The following ASXL2 variants were observed in gnomAD, a reference collection of about 807,000 sequenced individuals.
ASXL2 encodes the protein ASXL transcriptional regulator 2, also known as putative Polycomb group protein ASXL2.
In ASXL2, 23 loss-of-function variants were observed where a neutral mutation model predicts 122.0. That is an observed-to-expected ratio of 0.19 (90% CI 0.14 to 0.27). The LOEUF (loss-of-function observed/expected upper bound fraction) is 0.27, where lower values mean the gene tolerates loss of function less well. Ranked by LOEUF, ASXL2 falls within the 10% of genes least tolerant of loss-of-function variation. The pLI is 1.00. For missense variants in ASXL2, 1,518 were observed against 1,713.8 expected (o/e 0.89, Z 2.02); for synonymous variants, 650 against 637.0 (o/e 1.02, Z -0.31).
chr2:25,782,479 G>C (rs2088661793), intron 5 of ASXL2, among the ~76,000 whole-genome samples: 1 of 152,090 alleles, frequency 6.6e-6, no homozygotes. Flanking sequence ...CCAGGAGATG[G>C]AGGTTGCAGT....
At chr2:25,771,394 A>T in intron 6 of ASXL2, 46 bp downstream of exon 6, 1 of 1,540,960 alleles carries the variant, frequency 6.5e-7, no homozygotes, top group Non-Finnish European at 8.9e-7. Flanking sequence ...TGTGCGTTTT[A>T]AATACAGGAA....
At chr2:25,856,363 C>CT (rs70950127) in intron 1 of ASXL2, 4,072 of 234,074 alleles carry the variant, frequency 0.017, 102 homozygotes, top group East Asian at 0.051. Flanking sequence ...CTGGCCTATA[C>CT]TTTTTTTTTT....
At chr2:25,832,124 G>T (rs1194334211) in intron 3 of ASXL2, among the ~76,000 whole-genome samples, 2 of 152,134 alleles carry the variant, frequency 1.3e-5, no homozygotes, top group Non-Finnish European at 2.9e-5. Context: ...GCACCAGGAA[G>T]AAAAAACAGA....
intron 3 of ASXL2, among the ~76,000 whole-genome samples, chr2:25,833,780 T>C (rs148708377): frequency 1.3e-5 from 2 of 152,176 alleles, no homozygotes; most frequent in African/African-American, 4.8e-5. Flanking sequence ...CATCAAGATA[T>C]CTCACCATCC....
intron 5 of ASXL2, among the ~76,000 whole-genome samples, chr2:25,775,702 CTA>C (rs964446208): frequency 1.7e-4 from 26 of 152,240 alleles, no homozygotes; most frequent in African/African-American, 6.0e-4. Context: ...GTGGAACTAA[CTA>C]TGAGTCAACT....
intron 3 of ASXL2, among the ~76,000 whole-genome samples, chr2:25,821,428 G>A (rs1316436740): frequency 6.6e-6 from 1 of 151,896 alleles, no homozygotes; most frequent in Non-Finnish European, 1.5e-5. Context: ...GGAATTTGGA[G>A]TTTATGGCAT....
At chr2:25,807,693 G>A (rs1225772100) in intron 3 of ASXL2, among the ~76,000 whole-genome samples, 1 of 151,692 alleles carries the variant, frequency 6.6e-6, no homozygotes, top group East Asian at 1.9e-4. Context: ...GTTTCCGAGA[G>A]AAAAAAAATC....
intron 3 of ASXL2, among the ~76,000 whole-genome samples, chr2:25,815,579 T>G (rs1026709622): frequency 1.8e-4 from 28 of 152,174 alleles, no homozygotes; most frequent in African/African-American, 6.5e-4. Flanking sequence ...GATGAGTGAT[T>G]TTAATGTCTC....
At chr2:25,764,787 A>G (rs1164874062) in intron 8 of ASXL2, among the ~76,000 whole-genome samples, 1 of 152,186 alleles carries the variant, frequency 6.6e-6, no homozygotes, top group East Asian at 1.9e-4. Flanking sequence ...AATTTTTACT[A>G]TTTATGCATT....
At chr2:25,865,150 G>T (rs2089887036) in intron 1 of ASXL2, among the ~76,000 whole-genome samples, 1 of 151,572 alleles carries the variant, frequency 6.6e-6, no homozygotes, top group Admixed American at 6.6e-5. Context: ...TCCAATTTAG[G>T]CCAGGCATGG....
At chr2:25,790,334 G>A (rs1414504232) in intron 5 of ASXL2, among the ~76,000 whole-genome samples, 1 of 123,808 alleles carries the variant, frequency 8.1e-6, no homozygotes, top group South Asian at 2.9e-4. Flanking sequence ...GGGTGGGGGG[G>A]GTGTGAGAAG....
intron 11 of ASXL2, among the ~76,000 whole-genome samples, chr2:25,751,538 G>A (rs2088045125): frequency 6.6e-6 from 1 of 151,996 alleles, no homozygotes; most frequent in Non-Finnish European, 1.5e-5. Flanking sequence ...GGAGGCTGAG[G>A]TGGAAGGACT....
At chr2:25,834,659 C>A (rs182361941) in intron 3 of ASXL2, among the ~76,000 whole-genome samples, 1 of 152,170 alleles carries the variant, frequency 6.6e-6, no homozygotes, top group Non-Finnish European at 1.5e-5. Flanking sequence ...ACAGGCAATA[C>A]GACTGTTGCC....
Position 25,739,369 on chromosome 2 carries a change from G to GTT in ASXL2, c.*2658_*2659dup, listed in dbSNP as rs776553926. On this transcript the variant is annotated 3_prime_UTR_variant, in exon 13 of 13. Transcript: ENST00000435504. The stretch of plus-strand genomic sequence containing the variant: ...TTTCTAAAAGGCCAGATTGTAATGT[G>GTT]TTTTTTTTTTTTTTAATTTTTCTGT... 672 of 158,602 alleles carry GTT rather than the reference G, an allele frequency of 4.2e-3. 2 individuals carry two copies. Among genetic ancestry groups the GTT allele is most frequent in the East Asian group, 0.016 (141 of 8,636 alleles). The allele number at this position is 158,602 out of a possible 1,614,324, so 9.8% of individuals were successfully genotyped here.
At position 25,742,170 on chromosome 2, in the gene ASXL2, T is replaced by G. The variant is rs756079519; in HGVS notation, c.4167A>C (p.Glu1389Asp). The part of the protein sequence containing the change: ...GQTIPVQAFS[E>D]ENSIEGTPSK... ...AAGGCGTGCCCTCTATGCTGTTCTC[T>G]TCGGAGAACGCCTGAACAGGAATGG... The change falls in exon 13 of 13, where the codon GAA becomes GAC. Residue 1389 changes from glutamate (E) to aspartate (D), a missense_variant. Physicochemically the swap from Glu to Asp is conservative, Grantham distance 45 (BLOSUM62 2). Transcript: ENST00000435504. 6.2e-7 allele frequency: 1 copy of G among 1,614,008 alleles called. No homozygotes were observed. The highest frequency in any genetic ancestry group is 8.5e-7 in the Non-Finnish European group (1 of 1,179,878).
At chr2:25,872,174 G>A (rs967931092) in intron 1 of ASXL2, among the ~76,000 whole-genome samples, 8 of 152,112 alleles carry the variant, frequency 5.3e-5, no homozygotes, top group African/African-American at 1.9e-4. Flanking sequence ...GAGAGCCCAA[G>A]AATTTGAGAC....
At chr2:25,856,053 C>T (rs1054112384) in intron 1 of ASXL2, among the ~76,000 whole-genome samples, 26 of 150,170 alleles carry the variant, frequency 1.7e-4, no homozygotes, top group Non-Finnish European at 3.3e-4. Flanking sequence ...ACCACCATAC[C>T]TAATTTTTGT....
chr2:25,759,696 T>C, intron 8 of ASXL2, 51 bp from the exon 9 acceptor site: 1 of 1,565,850 alleles, frequency 6.4e-7, no homozygotes, highest in East Asian at 2.3e-5. Flanking sequence ...GTCCTGTTTC[T>C]ATATAAACTG....
In ASXL2 at chr2:25,735,211, T is replaced by A. The variant is rs746016053; in HGVS notation, c.*6818A>T. Reference sequence around the variant, plus strand: ...TGCCTTTTTAGGTTAAGGCAGAAAGTTACATGGAAGTACAGAGTCTATACA... The same window carrying A: ...TGCCTTTTTAGGTTAAGGCAGAAAGATACATGGAAGTACAGAGTCTATACA... On this transcript the variant is annotated 3_prime_UTR_variant, in exon 13 of 13. Coordinates refer to ENST00000435504, the MANE Select transcript of ASXL2 (RefSeq NM_018263.6). 5.3e-5 allele frequency: 8 copies of A among 152,158 alleles called. No homozygotes were observed. Among genetic ancestry groups the A allele is most frequent in the African/African-American group, 7.2e-5 (3 of 41,418 alleles). 9.4% of individuals were successfully genotyped at this position (152,158 alleles called of 1,614,324 possible).
Sources: gnomAD v4.1 joint callset for allele counts (sites outside exome capture counted in the v4.1 genomes callset) on GRCh38, gnomAD v4.1.1 for gene constraint, MANE v1.5 for transcripts, NCBI Gene and HGNC (gene_info 2026-07-23, HGNC 2026-07-21) for gene names.